The following CADPS2 variants were observed in gnomAD, a reference collection of about 807,000 sequenced individuals.
CADPS2 encodes the protein calcium-dependent secretion activator 2.
A neutral mutation model predicts 172.5 loss-of-function variants in CADPS2; 93 were observed. That is an observed-to-expected ratio of 0.54 (90% CI 0.46 to 0.64). The LOEUF (loss-of-function observed/expected upper bound fraction) is 0.64. CADPS2 is among the 30% of genes least tolerant of loss of function. The pLI is 0.00. For synonymous variants in CADPS2, 546 were observed against 555.2 expected (o/e 0.98, Z 0.23); for missense variants, 1,420 against 1,565.9 (o/e 0.91, Z 1.57).
Position 122,615,158 on chromosome 7 carries a change from T to C in CADPS2, c.1223+23A>G, listed in dbSNP as rs2074761044. 4.3e-6 allele frequency: 6 copies of C among 1,379,318 alleles called. No individual in the cohort carries two copies. In the East Asian group the frequency reaches 1.0e-4, roughly 23 times the overall value. The allele number at this position is 1,379,318 out of a possible 1,614,324, so 85.4% of individuals were successfully genotyped here. ...TTAAAAAAACAAACAACAACAATAA[T>C]ACACTTTTTTCAACTGGCTTACTGT... is the stretch of plus-strand genomic sequence containing the variant. On this transcript the variant is annotated intron_variant, in intron 6 of 29. Coordinates refer to ENST00000449022, the MANE Select transcript of CADPS2 (RefSeq NM_017954.11).
At chr7:122,642,005 C>T (rs914656344) in intron 3 of CADPS2, among the ~76,000 whole-genome samples, 3 of 151,952 alleles carry the variant, frequency 2.0e-5, no homozygotes, top group East Asian at 1.9e-4. Flanking sequence ...TGAGGCCGGC[C>T]GTGGTGGCTC....
chr7:122,726,093 G>A (rs1057266264), intron 2 of CADPS2, among the ~76,000 whole-genome samples: 5 of 151,538 alleles, frequency 3.3e-5, no homozygotes, highest in Non-Finnish European at 7.4e-5. Context: ...TCACCCATCT[G>A]GATTCAGAGG....
chr7:122,533,316 A>G (rs1356442955), intron 8 of CADPS2, among the ~76,000 whole-genome samples: 1 of 152,160 alleles, frequency 6.6e-6, no homozygotes, highest in Admixed American at 6.6e-5. Flanking sequence ...CTCTTTAACA[A>G]TTAATAATTG....
At chr7:122,543,473 G>A (rs2063307649) in intron 8 of CADPS2, among the ~76,000 whole-genome samples, 1 of 151,876 alleles carries the variant, frequency 6.6e-6, no homozygotes, top group South Asian at 2.1e-4. Flanking sequence ...CTCATTTATT[G>A]AGTCTGACAC....
chr7:122,511,899 G>A (rs2060029346), intron 9 of CADPS2, among the ~76,000 whole-genome samples: 1 of 152,166 alleles, frequency 6.6e-6, no homozygotes, highest in Non-Finnish European at 1.5e-5. Flanking sequence ...GAAACGAAAT[G>A]TGGAAACTGT....
intron 2 of CADPS2, chr7:122,681,750 G>T: frequency 3.9e-6 from 2 of 511,920 alleles, no homozygotes; most frequent in Non-Finnish European, 6.6e-6. Context: ...AATAATAAAA[G>T]AAAGAAAAAA....
rs116104910 is a variant in CADPS2 at position 122,526,694 on chromosome 7, G to A, written c.1476-13379C>T. Among the ~76,000 whole-genome samples, 274 of 152,040 alleles carry A rather than the reference G, an allele frequency of 1.8e-3. 3 individuals are homozygous for A. The highest frequency in any genetic ancestry group is 6.4e-3 in the African/African-American group (264 of 41,470). On this transcript the variant is annotated intron_variant, in intron 8 of 29. Transcript: ENST00000449022. ...AGTCTCATATTTCCCATTTATTACC[G>A]TCTTCTTAGCTCAACTATCATTTTC...
At chr7:122,659,326 A>AAAC (rs58040162) in intron 3 of CADPS2, among the ~76,000 whole-genome samples, 6 of 150,874 alleles carry the variant, frequency 4.0e-5, no homozygotes, top group East Asian at 3.9e-4. Context: ...AAAAAAAAAA[A>AAAC]CACCGTGGAA....
At chr7:122,531,824 A>G (rs939368956) in intron 8 of CADPS2, among the ~76,000 whole-genome samples, 1 of 152,110 alleles carries the variant, frequency 6.6e-6, no homozygotes, top group Non-Finnish European at 1.5e-5. Context: ...CAAGGTCAGG[A>G]GTTCAAGACC....
chr7:122,874,994 A>G (rs1820831355), intron 1 of CADPS2, among the ~76,000 whole-genome samples: 1 of 152,214 alleles, frequency 6.6e-6, no homozygotes, highest in Non-Finnish European at 1.5e-5. Context: ...CAAAACAGAA[A>G]ATAAGATTAA....
chr7:122,490,402 A>ATCCTTT (rs2058178436), intron 10 of CADPS2, 121 bp from the exon 11 acceptor site: 1 of 721,932 alleles, frequency 1.4e-6, no homozygotes, highest in East Asian at 2.6e-5. Flanking sequence ...TGTTTTAAAG[A>ATCCTTT]ATATTTAGTT....
At chr7:122,487,257 C>T (rs1049548896) in intron 11 of CADPS2, among the ~76,000 whole-genome samples, 7 of 152,088 alleles carry the variant, frequency 4.6e-5, no homozygotes, top group Middle Eastern at 3.4e-3. Flanking sequence ...AGATCCCCCC[C>T]ACCTCGACCT....
intron 4 of CADPS2, among the ~76,000 whole-genome samples, chr7:122,627,662 T>C (rs529913009): frequency 2.6e-5 from 4 of 152,292 alleles, no homozygotes; most frequent in African/African-American, 9.6e-5. Context: ...ACTTAAACTT[T>C]ATTCTAAAGC....
intron 3 of CADPS2, among the ~76,000 whole-genome samples, chr7:122,631,875 T>C (rs1446779183): frequency 6.6e-6 from 1 of 152,174 alleles, no homozygotes; most frequent in Admixed American, 6.5e-5. Context: ...CCCAGTGTAC[T>C]ATTCCCATCT....
chr7:122,451,156 T>C (rs533100834), intron 15 of CADPS2, among the ~76,000 whole-genome samples: 1 of 151,948 alleles, frequency 6.6e-6, no homozygotes, highest in South Asian at 2.1e-4. Context: ...GGAACGGATA[T>C]TGTAGGGGGA....
chr7:122,738,147 A>G (rs912707902), intron 1 of CADPS2, among the ~76,000 whole-genome samples: 9 of 152,172 alleles, frequency 5.9e-5, no homozygotes, highest in Admixed American at 3.9e-4. Context: ...TGAATTAGAC[A>G]TGAAATGTGA....
At chr7:122,585,500 CA>C (rs1333427481) in intron 6 of CADPS2, 2 of 145,742 alleles carry the variant, frequency 1.4e-5, no homozygotes, top group African/African-American at 5.1e-5. Flanking sequence ...GGAAAGAAGA[CA>C]ATAGGCCTAC....
intron 9 of CADPS2, 148 bp from the exon 10 acceptor site, chr7:122,491,568 A>G: frequency 1.8e-6 from 1 of 548,242 alleles, no homozygotes; most frequent in Non-Finnish European, 3.2e-6. Flanking sequence ...TTCAAAACCT[A>G]GCTCAGAGAT....
chr7:122,328,132 G>GACACAC (rs71159790), intron 28 of CADPS2, among the ~76,000 whole-genome samples: 25,090 of 145,428 alleles, frequency 0.17, 2,228 homozygotes, highest in Non-Finnish European at 0.2. Flanking sequence ...GTAAAATGCA[G>GACACAC]ACACACACAC....
Sources: gnomAD v4.1 joint callset for allele counts (sites outside exome capture counted in the v4.1 genomes callset) on GRCh38, gnomAD v4.1.1 for gene constraint, MANE v1.5 for transcripts, NCBI Gene and HGNC (gene_info 2026-07-23, HGNC 2026-07-21) for gene names.